ROBO2: variants seen among roughly 807,000 people sequenced by gnomAD.
ROBO2 encodes the protein roundabout guidance receptor 2.
ROBO2 carries 53 observed loss-of-function variants against 160.8 expected under a neutral mutation model. The ratio of observed to expected loss-of-function variants is 0.33; its 90% CI spans 0.26 to 0.41. The LOEUF (loss-of-function observed/expected upper bound fraction) is 0.41. Ranked by LOEUF, ROBO2 falls within the 10% of genes least tolerant of loss-of-function variation. The pLI is 1.00. For missense variants in ROBO2, 1,577 were observed against 1,722.4 expected, an observed-to-expected ratio of 0.92 and a Z score of 1.49; for synonymous variants, 664 against 611.7, an observed-to-expected ratio of 1.09 and a Z score of -1.26.
chr3:76,063,153 T>C (rs2068122587), intron 2 of ROBO2, among the ~76,000 whole-genome samples: 1 of 152,168 alleles, frequency 6.6e-6, no homozygotes, highest in African/African-American at 2.4e-5. Flanking sequence ...CTATAGTCTT[T>C]AAAGAGGGAA....
At chr3:76,142,414 A>G (rs2071705739) in intron 2 of ROBO2, among the ~76,000 whole-genome samples, 2 of 151,948 alleles carry the variant, frequency 1.3e-5, no homozygotes, top group Non-Finnish European at 2.9e-5. Context: ...TTGAACCTAA[A>G]TGACCATCAG....
intron 2 of ROBO2, among the ~76,000 whole-genome samples, chr3:77,328,820 C>A (rs1396323052): frequency 6.6e-6 from 1 of 152,056 alleles, no homozygotes; most frequent in Non-Finnish European, 1.5e-5. Context: ...GCCTGTTATC[C>A]CCACATTCTC....
At chr3:76,817,542 GT>G (rs2065778576) in intron 2 of ROBO2, among the ~76,000 whole-genome samples, 1 of 151,876 alleles carries the variant, frequency 6.6e-6, no homozygotes, top group African/African-American at 2.4e-5. Flanking sequence ...GTGGTATTTG[GT>G]TACATGAATA....
At chr3:76,277,952 T>C (rs957116454) in intron 2 of ROBO2, among the ~76,000 whole-genome samples, 2 of 151,682 alleles carry the variant, frequency 1.3e-5, no homozygotes, top group African/African-American at 4.8e-5. Flanking sequence ...CAGGAAACTC[T>C]TCTCAGTGAT....
exon 26 of ROBO2, chr3:77,646,111 G>A: frequency 7.0e-7 from 1 of 1,420,870 alleles, no homozygotes; most frequent in Non-Finnish European, 9.9e-7. Flanking sequence ...CCGGACTCAT[G>A]GAAGTGATGA....
intron 2 of ROBO2, among the ~76,000 whole-genome samples, chr3:76,541,515 A>G (rs766452678): frequency 6.6e-5 from 10 of 152,152 alleles, no homozygotes; most frequent in Non-Finnish European, 1.5e-4. Flanking sequence ...GTGCTAGTCT[A>G]TACCAGTCAG....
chr3:77,294,324 G>A (rs188544733), intron 2 of ROBO2, among the ~76,000 whole-genome samples: 1 of 143,040 alleles, frequency 7.0e-6, no homozygotes, highest in African/African-American at 2.7e-5. Flanking sequence ...CGGGTAAGCT[G>A]AGGCTAGATC....
intron 2 of ROBO2, among the ~76,000 whole-genome samples, chr3:76,406,772 T>A (rs1228668766): frequency 6.6e-6 from 1 of 151,978 alleles, no homozygotes; most frequent in Non-Finnish European, 1.5e-5. Flanking sequence ...GAAAGCTGAA[T>A]CATCTTCTCT....
intron 2 of ROBO2, among the ~76,000 whole-genome samples, chr3:76,909,269 A>T (rs900135438): frequency 1.3e-5 from 2 of 152,210 alleles, no homozygotes; most frequent in Non-Finnish European, 2.9e-5. Flanking sequence ...CTATTCAAAC[A>T]GATAGAAATA....
In ROBO2 at chr3:77,610,731, G is replaced by C. The variant is rs552605080; in HGVS notation, c.3293+2777G>C. On this transcript the variant is annotated intron_variant, in intron 21 of 25. Transcript: ENST00000461745. The stretch of plus-strand genomic sequence containing the variant: ...TGTGCAAATGGAGACAAATTTCCCT[G>C]GCCAAAGACCAAAAAAAAAAAAAAA... Among the ~76,000 whole-genome samples the C allele has an allele frequency of 5.9e-5, 6 of 101,776 alleles. No homozygotes were observed. In the South Asian group the frequency reaches 2.0e-3, roughly 34 times the overall value. The allele number at this position is 101,776 out of a possible 152,430, so 66.8% of individuals were successfully genotyped here.
At chr3:76,667,051 C>T (rs1424697123) in intron 2 of ROBO2, among the ~76,000 whole-genome samples, 1 of 152,028 alleles carries the variant, frequency 6.6e-6, no homozygotes, top group Non-Finnish European at 1.5e-5. Flanking sequence ...GGGGACCATT[C>T]ACAAGGATGT....
At chr3:76,768,116 A>G (rs770127320) in intron 2 of ROBO2, among the ~76,000 whole-genome samples, 10 of 151,488 alleles carry the variant, frequency 6.6e-5, no homozygotes, top group East Asian at 2.0e-4. Flanking sequence ...CTATGATAAA[A>G]TATAAAATAA....
chr3:76,063,597 C>G (rs1448657681), intron 2 of ROBO2, among the ~76,000 whole-genome samples: 1 of 151,852 alleles, frequency 6.6e-6, no homozygotes, highest in Non-Finnish European at 1.5e-5. Flanking sequence ...CCTCCCATTT[C>G]GACCTCCCAA....
intron 2 of ROBO2, among the ~76,000 whole-genome samples, chr3:76,383,378 A>C (rs2076728741): frequency 6.6e-6 from 1 of 152,226 alleles, no homozygotes; most frequent in Non-Finnish European, 1.5e-5. Context: ...AAATCAAAAC[A>C]GATTAATATT....
Position 76,751,539 on chromosome 3 carries a change from T to A in ROBO2, c.110-346475T>A, listed in dbSNP as rs187900752. 3.1e-3 allele frequency among the ~76,000 whole-genome samples: 468 copies of A among 152,286 alleles called. 2 individuals carry two copies. The highest frequency in any genetic ancestry group is 0.01 in the African/African-American group (435 of 41,562). ...AGAATGGGAGAAAATGTTTGCAATC[T>A]ACTCATCTGACAAAGGGCTAATATC... On this transcript the variant is annotated intron_variant, in intron 2 of 26. Transcript: ENST00000487694.
At chr3:77,055,877 T>G (rs1469075588) in intron 1 of ROBO2, among the ~76,000 whole-genome samples, 1 of 152,198 alleles carries the variant, frequency 6.6e-6, no homozygotes, top group Non-Finnish European at 1.5e-5. Flanking sequence ...TTTGGCCAAA[T>G]GATGATTGTC....
At chr3:77,086,605 A>AT (rs2069350770) in intron 1 of ROBO2, among the ~76,000 whole-genome samples, 1 of 152,116 alleles carries the variant, frequency 6.6e-6, no homozygotes, top group African/African-American at 2.4e-5. Flanking sequence ...TATGAATCAC[A>AT]TTTTTACAAA....
intron 2 of ROBO2, among the ~76,000 whole-genome samples, chr3:76,844,124 C>T (rs1335922366): frequency 1.3e-5 from 2 of 151,864 alleles, no homozygotes; most frequent in Non-Finnish European, 2.9e-5. Flanking sequence ...GTTTGTTTCC[C>T]CAACACTTAC....
chr3:77,128,681 T>C (rs1210090063), intron 2 of ROBO2, among the ~76,000 whole-genome samples: 2 of 152,234 alleles, frequency 1.3e-5, no homozygotes, highest in African/African-American at 4.8e-5. Flanking sequence ...TTTCATCCCA[T>C]GTTCTGTGCT....
Sources: allele counts gnomAD v4.1 joint callset (sites outside exome capture counted in the v4.1 genomes callset), GRCh38; gene constraint gnomAD v4.1.1; transcripts MANE v1.5; gene names NCBI Gene and HGNC (gene_info 2026-07-23, HGNC 2026-07-21).